The following LRTM1 variants were observed in gnomAD, a reference collection of about 807,000 sequenced individuals.
The protein encoded by LRTM1 is leucine-rich repeat and transmembrane domain-containing protein 1.
Under a neutral mutation model 32.4 loss-of-function variants are expected in LRTM1, and 38 were observed. The observed-to-expected ratio is 1.17, with a 90% confidence interval of 0.91 to 1.54. The LOEUF (loss-of-function observed/expected upper bound fraction) is 1.54, where lower values mean the gene tolerates loss of function less well. Among genes scored for constraint, LRTM1 ranks in the 40% most tolerant of loss-of-function variants. LRTM1 has a pLI of 0.00. For missense variants in LRTM1, 466 were observed against 415.4 expected, an observed-to-expected ratio of 1.12 and a Z score of -1.06; for synonymous variants, 186 against 169.9, an observed-to-expected ratio of 1.09 and a Z score of -0.74.
upstream of LRTM1, among the ~76,000 whole-genome samples, chr3:54,932,288 A>G (rs921565669): frequency 1.5e-4 from 23 of 152,342 alleles, no homozygotes; most frequent in African/African-American, 5.3e-4. Context: ...AATAGGAAGC[A>G]TATTGTATAA....
chr3:54,925,096 C>A lies in LRTM1; in HGVS notation c.127G>T (p.Glu43Ter), dbSNP rs3806633. 1 of 1,614,050 alleles carries A rather than the reference C, an allele frequency of 6.2e-7. No homozygotes were observed. The highest frequency in any genetic ancestry group is 8.5e-7 in the Non-Finnish European group (1 of 1,180,004). The change falls in exon 2 of 3, where the codon GAA (glutamate) becomes TAA (stop). Residue 43 changes from glutamate (E) to a stop codon, truncating the protein, a stop_gained. Transcript: ENST00000273286. LOFTEE classifies it high-confidence loss of function. The stretch of plus-strand genomic sequence containing the variant: ...TGAGGAGGTAAATGGGAAGGGATTT[C>A]GGCCAGACCCTGCTGGCTGCAGTCT... ...FVDCSQQGLA[E>*]IPSHLPPQTR...
chr3:54,930,678 T>C (rs139383270), upstream of LRTM1, among the ~76,000 whole-genome samples: 1,170 of 152,274 alleles, frequency 7.7e-3, 13 homozygotes, highest in African/African-American at 0.027. Context: ...CCTGGGAAAA[T>C]CCCAGGCTCT....
chr3:54,962,750 A>T (rs749398174), intron 1 of LRTM1, among the ~76,000 whole-genome samples: 1 of 152,074 alleles, frequency 6.6e-6, no homozygotes, highest in East Asian at 1.9e-4. Flanking sequence ...TGAGCTCTCT[A>T]TGTGTATGTG....
At chr3:54,956,834 T>C (rs1158248802) in intron 1 of LRTM1, among the ~76,000 whole-genome samples, 2 of 152,120 alleles carry the variant, frequency 1.3e-5, no homozygotes, top group African/African-American at 4.8e-5. Context: ...TACCTCCAGT[T>C]TGCATTTTAT....
intron 1 of LRTM1, among the ~76,000 whole-genome samples, chr3:54,942,441 T>G (rs2106988476): frequency 6.6e-6 from 1 of 152,318 alleles, no homozygotes; most frequent in Admixed American, 6.5e-5. Context: ...AGGGAAATAG[T>G]TTTAGGCCTG....
chr3:54,937,683 G>A (rs1701364897), intron 1 of LRTM1, among the ~76,000 whole-genome samples: 1 of 152,182 alleles, frequency 6.6e-6, no homozygotes, highest in Admixed American at 6.5e-5. Context: ...GTTATAGCCA[G>A]GCTGAAATCT....
At chr3:54,938,543 C>G (rs1559637693) in intron 1 of LRTM1, among the ~76,000 whole-genome samples, 1 of 152,084 alleles carries the variant, frequency 6.6e-6, no homozygotes, top group South Asian at 2.1e-4. Context: ...GTATATAATA[C>G]AAAGCCAAGC....
rs145840869 is a variant in LRTM1 at position 54,919,024 on chromosome 3, G to T, written c.605-132C>A. The T allele has an allele frequency of 4.4e-3, 3,009 of 682,484 alleles. 70 individuals are homozygous for T. Among genetic ancestry groups the T allele is most frequent in the African/African-American group, 0.038 (2,078 of 54,808 alleles). The allele number at this position is 682,484 out of a possible 1,614,324, so 42.3% of individuals were successfully genotyped here. ...TTTTTTTTTAAATCCTGGAGTCAAA[G>T]AATTTAACAACCATATTTTATGATT... is the stretch of plus-strand genomic sequence containing the variant. On this transcript the variant is annotated intron_variant, in intron 2 of 2. Coordinates refer to ENST00000273286, the MANE Select transcript of LRTM1 (RefSeq NM_020678.4).
chr3:54,934,222 T>G (rs1173403257), intron 1 of LRTM1, among the ~76,000 whole-genome samples: 1 of 152,224 alleles, frequency 6.6e-6, no homozygotes, highest in East Asian at 1.9e-4. Flanking sequence ...GTTGTATTCA[T>G]TTTATGCCCT....
chr3:54,925,082 A>C lies in LRTM1; in HGVS notation c.141T>G (p.His47Gln), dbSNP rs1406058545. The C allele has an allele frequency of 2.5e-6, 4 of 1,614,116 alleles. No individual in the cohort carries two copies. The highest frequency in any genetic ancestry group is 3.4e-6 in the Non-Finnish European group (4 of 1,180,016). ...GCAGCGTTCGAGTCTGAGGAGGTAA[A>C]TGGGAAGGGATTTCGGCCAGACCCT... Reference protein sequence around the residue: ...SQQGLAEIPSHLPPQTRTLHL... With the variant: ...SQQGLAEIPSQLPPQTRTLHL... Residue 47 changes from histidine to glutamine, a missense_variant, in exon 2 of 3, where the codon CAT (histidine) becomes CAG (glutamine). His to Gln is a conservative substitution (Grantham distance 24). Transcript: ENST00000273286.
At chr3:54,945,259 T>C (rs1302621793) in intron 1 of LRTM1, among the ~76,000 whole-genome samples, 1 of 152,208 alleles carries the variant, frequency 6.6e-6, no homozygotes, top group African/African-American at 2.4e-5. Flanking sequence ...ATACATGGTG[T>C]TGATACCTGC....
At chr3:54,927,791 C>G (rs2106948039) in intron 1 of LRTM1, 114 bp downstream of exon 1, 4 of 1,107,932 alleles carry the variant, frequency 3.6e-6, no homozygotes, top group Non-Finnish European at 5.5e-6. Flanking sequence ...TCATATCTGT[C>G]CAGTCTTTTA....
In LRTM1 at chr3:54,918,249, CTTTAT is replaced by C. The variant is rs1445792565; in HGVS notation, c.*205_*209del. 7.4e-6 allele frequency: 4 copies of C among 543,432 alleles called. No individual in the cohort carries two copies. Among genetic ancestry groups the C allele is most frequent in the Non-Finnish European group, 1.3e-5 (4 of 313,880 alleles). The allele number at this position is 543,432 out of a possible 1,614,324, so 33.7% of individuals were successfully genotyped here. On this transcript the variant is annotated 3_prime_UTR_variant, in exon 3 of 3. Transcript: ENST00000273286. The stretch of plus-strand genomic sequence containing the variant: ...CCCAGGCCCAGAGCACAAGTATCAT[CTTTAT>C]TTTACCTATAGTATTTTAAAAATCG...
At chr3:54,936,115 G>T (rs1005048567) in intron 1 of LRTM1, among the ~76,000 whole-genome samples, 1 of 151,432 alleles carries the variant, frequency 6.6e-6, no homozygotes, top group Admixed American at 6.6e-5. Context: ...AACCCAGCTT[G>T]CAGATTTATG....
Position 54,924,714 on chromosome 3 carries a change from G to A in LRTM1, c.509C>T (p.Pro170Leu), listed in dbSNP as rs753911246. ...QLDRALLESM[P>L]SVRLLLLKDN... ...CTTGAGAAGTAAAAGCCTCACACTG[G>A]GCATGGATTCCAGGAGCGCTCGATC... Residue 170 changes from proline (P) to leucine (L), a missense_variant, in exon 2 of 3, where the codon CCC (proline) becomes CTC (leucine). Physicochemically the swap from Pro to Leu is moderately conservative, Grantham distance 98. Transcript: ENST00000273286. 5 of 1,613,998 alleles carry A rather than the reference G, an allele frequency of 3.1e-6. No homozygotes were observed. The highest frequency in any genetic ancestry group is 4.2e-6 in the Non-Finnish European group (5 of 1,180,022).
chr3:54,923,942 G>T (rs1700933880), intron 2 of LRTM1, among the ~76,000 whole-genome samples: 1 of 152,206 alleles, frequency 6.6e-6, no homozygotes, highest in Non-Finnish European at 1.5e-5. Context: ...TAATGAATGG[G>T]CATGGCTGTG....
chr3:54,939,978 A>G (rs941529278), intron 1 of LRTM1, among the ~76,000 whole-genome samples: 2 of 152,200 alleles, frequency 1.3e-5, no homozygotes, highest in Non-Finnish European at 2.9e-5. Flanking sequence ...AATGCAGAGG[A>G]CAGGATGCCT....
At chr3:54,929,131 C>T (rs1447906979), upstream of LRTM1, among the ~76,000 whole-genome samples, 2 of 152,116 alleles carry the variant, frequency 1.3e-5, no homozygotes, top group East Asian at 1.9e-4. Context: ...GGTCCAGAGT[C>T]GATATTTGGC....
At chr3:54,923,766 G>C (rs1310536350) in intron 2 of LRTM1, among the ~76,000 whole-genome samples, 1 of 152,100 alleles carries the variant, frequency 6.6e-6, no homozygotes, top group Non-Finnish European at 1.5e-5. Context: ...TTCTCACCTG[G>C]GCTTCTGCTC....
Sources: allele counts gnomAD v4.1 joint callset (sites outside exome capture counted in the v4.1 genomes callset), GRCh38; gene constraint gnomAD v4.1.1; transcripts MANE v1.5; gene names NCBI Gene and HGNC (gene_info 2026-07-23, HGNC 2026-07-21).